DHX34: variants seen among roughly 807,000 people sequenced by gnomAD.
The protein encoded by DHX34 is probable ATP-dependent RNA helicase DHX34.
Under a neutral mutation model 111.1 loss-of-function variants are expected in DHX34, and 96 were observed. That is an observed-to-expected ratio of 0.86 (90% CI 0.73 to 1.02). The LOEUF (loss-of-function observed/expected upper bound fraction) is 1.02. Among genes scored for constraint, DHX34 ranks in the 50% least tolerant of loss-of-function variants. The pLI is 0.00. For synonymous variants in DHX34, 688 were observed against 670.4 expected, an observed-to-expected ratio of 1.03 and a Z score of -0.41; for missense variants, 1,560 against 1,579.9, an observed-to-expected ratio of 0.99 and a Z score of 0.21.
In DHX34 at chr19:47,375,998, C is replaced by T. The variant is rs1432301399; in HGVS notation, c.2382C>T (p.Arg794=). 10 of 1,605,500 alleles carry T rather than the reference C, an allele frequency of 6.2e-6. No homozygotes were observed. The highest frequency in any genetic ancestry group is 2.2e-5 in the East Asian group (1 of 44,736). Residue 794 remains arginine, a synonymous_variant, in exon 11 of 17, where the codon CGC becomes CGT. Coordinates refer to ENST00000328771, the MANE Select transcript of DHX34 (RefSeq NM_014681.6). ...CCAGCTCAGCCCAGGACCTGAGCCG[C>T]GAGCAGCTGGCTCTGCTGAAGCTGG... The part of the protein sequence containing the change: ...AAASSAQDLS[R]EQLALLKLVL...
Position 47,382,060 on chromosome 19 carries a change from G to A in DHX34, c.3379G>A (p.Asp1127Asn), listed in dbSNP as rs1366998345. ...CTACCACTGCGAGGCCTGCGGGAAGGACTTCCTCTTTACACCCACAGAGGT... is the reference window on the plus strand; with the variant it reads ...CTACCACTGCGAGGCCTGCGGGAAGAACTTCCTCTTTACACCCACAGAGGT... ...RPYHCEACGK[D>N]FLFTPTEVLR... Residue 1127 changes from aspartate to asparagine, a missense_variant, in exon 17 of 17, where the codon GAC (aspartate) becomes AAC (asparagine). Coordinates refer to ENST00000328771, the MANE Select transcript of DHX34 (RefSeq NM_014681.6). 1.2e-6 allele frequency: 2 copies of A among 1,614,150 alleles called. No homozygotes were observed. The highest frequency in any genetic ancestry group is 2.7e-5 in the African/African-American group (2 of 75,048).
chr19:47,356,381 C>T (rs1466446013), intron 3 of DHX34, among the ~76,000 whole-genome samples: 1 of 152,108 alleles, frequency 6.6e-6, no homozygotes, highest in Non-Finnish European at 1.5e-5. Context: ...CCTGTAATCC[C>T]AGCACTTTGG....
chr19:47,379,874 G>A lies in DHX34; in HGVS notation c.2871G>A (p.Gln957=). ...GCTGGGAAAGTGCCCTGGACCGGCA[G>A]CTGGCGCACCAGGCCCAGCAGCAGC... ...RARWESALDR[Q]LAHQAQQQLE... is the part of the protein sequence containing the mutation. Residue 957 remains glutamine, a synonymous_variant, in exon 14 of 17, where the codon CAG becomes CAA. Transcript: ENST00000328771. 1 of 1,613,642 alleles carries A rather than the reference G, an allele frequency of 6.2e-7. No homozygotes were observed. The highest frequency in any genetic ancestry group is 8.5e-7 in the Non-Finnish European group (1 of 1,179,766).
intron 13 of DHX34, among the ~76,000 whole-genome samples, chr19:47,377,882 A>G (rs939167953): frequency 1.3e-5 from 2 of 152,008 alleles, no homozygotes; most frequent in Admixed American, 6.5e-5. Flanking sequence ...GGGCACCGGC[A>G]GCAGAGCCAT....
In DHX34 at chr19:47,377,479, C is replaced by T. The variant is rs543057317; in HGVS notation, c.2706+273C>T. Among the ~76,000 whole-genome samples the T allele has an allele frequency of 5.3e-5, 8 of 152,308 alleles. No homozygotes were observed. In the East Asian group the frequency reaches 1.4e-3, roughly 26 times the overall value. ...GCATGAAGCCCAGCCCCTGCCCTCT[C>T]GGGCTCTAGTGGCAGGGGACAGTGA... On this transcript the variant is annotated intron_variant, in intron 13 of 16. Coordinates refer to ENST00000328771, the MANE Select transcript of DHX34 (RefSeq NM_014681.6).
Position 47,375,594 on chromosome 19 carries a change from C to T in DHX34, c.2193C>T (p.Gly731=), listed in dbSNP as rs756090986. ...LHQLKRQHEE[G]AGRRRKVLRL... is the part of the protein sequence containing the mutation. ...AGCTGAAACGCCAGCACGAGGAGGG[C>T]GCGGGGCGCAGGCGCAAGGTGCTGC... is the stretch of plus-strand genomic sequence containing the variant. Residue 731 remains glycine (G), a synonymous_variant, in exon 10 of 17, where the codon GGC becomes GGT. Coordinates refer to ENST00000328771, the MANE Select transcript of DHX34 (RefSeq NM_014681.6). 52 of 1,546,530 alleles carry T rather than the reference C, an allele frequency of 3.4e-5. No homozygotes were observed. Among genetic ancestry groups the T allele is most frequent in the Non-Finnish European group, 4.1e-5 (47 of 1,149,500 alleles).
Position 47,362,552 on chromosome 19 carries a change from C to A in DHX34, c.1452C>A (p.Ser484Arg). ...AGGAGTTCTGGATTAGTCAGGCCAG[C>A]GCAGAGCAGCGGAAGGGCCGGGCGG... ...RLQEFWISQA[S>R]AEQRKGRAGR... is the part of the protein sequence containing the mutation. The change falls in exon 6 of 17, where the codon AGC (serine) becomes AGA (arginine). Residue 484 changes from serine to arginine, a missense_variant. Physicochemically the swap from Ser to Arg is moderately radical, Grantham distance 110. Coordinates refer to ENST00000328771, the MANE Select transcript of DHX34 (RefSeq NM_014681.6). 6.2e-7 allele frequency: 1 copy of A among 1,612,852 alleles called. No individual in the cohort carries two copies.
chr19:47,366,825 T>C lies in DHX34; in HGVS notation c.1594-156T>C, dbSNP rs940105370. The C allele has an allele frequency of 4.1e-6, 4 of 983,712 alleles. No individual in the cohort carries two copies. The African/African-American group carries it at 7.0e-5, about 17-fold the overall frequency. 60.9% of individuals were successfully genotyped at this position (983,712 alleles called of 1,614,324 possible). A position where few individuals can be genotyped will look rare whatever the true frequency, so the allele number is the denominator to read the frequency against. Reference sequence around the variant, plus strand: ...CTGACCTCAAGTGATCCGCTTGCCTTGGCCTTTCAAAGTGCTGGGATTACA... The same window carrying C: ...CTGACCTCAAGTGATCCGCTTGCCTCGGCCTTTCAAAGTGCTGGGATTACA... On this transcript the variant is annotated intron_variant, in intron 6 of 16. Transcript: ENST00000328771.
intron 2 of DHX34, 33 bp from the exon 3 acceptor site, chr19:47,355,006 T>C (rs1599752843): frequency 6.2e-7 from 1 of 1,606,046 alleles, no homozygotes; most frequent in African/African-American, 1.3e-5. Context: ...AGGCTCAGGG[T>C]CCTCTCCTGA....
At chr19:47,357,204 C>T (rs1568395365) in intron 3 of DHX34, among the ~76,000 whole-genome samples, 1 of 152,100 alleles carries the variant, frequency 6.6e-6, no homozygotes, top group Non-Finnish European at 1.5e-5. Flanking sequence ...GGTTTTTAAT[C>T]CTGGTTTCAT....
At position 47,362,678 on chromosome 19, in the gene DHX34, C is replaced by G. The variant is rs1434053756; in HGVS notation, c.1578C>G (p.Asp526Glu). ...PVPEIRRVAL[D>E]SLVLQMKSMS... ...CAGAAATTCGGAGGGTGGCCCTGGA[C>G]TCGTTGGTGCTGCAGGTGAGGCATG... Residue 526 changes from aspartate to glutamate, a missense_variant, in exon 6 of 17, where the codon GAC becomes GAG. Coordinates refer to ENST00000328771, the MANE Select transcript of DHX34 (RefSeq NM_014681.6). The G allele has an allele frequency of 8.1e-6, 13 of 1,612,194 alleles. No homozygotes were observed. Among genetic ancestry groups the G allele is most frequent in the Non-Finnish European group, 9.3e-6 (11 of 1,179,636 alleles).
chr19:47,378,851 C>T (rs1219448251), intron 13 of DHX34, among the ~76,000 whole-genome samples: 3 of 151,338 alleles, frequency 2.0e-5, no homozygotes, highest in East Asian at 2.0e-4. Flanking sequence ...AATAATAAGC[C>T]GGGCATGGTG....
chr19:47,378,880 G>A (rs377342810), intron 13 of DHX34, among the ~76,000 whole-genome samples: 34 of 151,692 alleles, frequency 2.2e-4, no homozygotes, highest in African/African-American at 7.8e-4. Flanking sequence ...CTATAATCCC[G>A]GCACTTTGGG....
In DHX34 at chr19:47,379,143, TTAATAA is replaced by T. The variant is rs111684128; in HGVS notation, c.2707-554_2707-549del. On this transcript the variant is annotated intron_variant, in intron 13 of 16. Transcript: ENST00000328771. Reference sequence around the variant, plus strand: ...GACTCATCTCAAATAAATAAATAAATTAATAATAATAATAATAAGAAGAAGAAGATG... The same window carrying T: ...GACTCATCTCAAATAAATAAATAAATTAATAATAATAAGAAGAAGAAGATG... Among the ~76,000 whole-genome samples the T allele has an allele frequency of 5.0e-3, 751 of 150,892 alleles. 5 individuals carry two copies. Among genetic ancestry groups the T allele is most frequent in the South Asian group, 0.012 (57 of 4,764 alleles).
At chr19:47,374,473 C>T (rs999393457) in intron 9 of DHX34, among the ~76,000 whole-genome samples, 2 of 151,412 alleles carry the variant, frequency 1.3e-5, no homozygotes, top group East Asian at 1.9e-4. Flanking sequence ...GTTTCTCCTG[C>T]GCCCACACAG....
chr19:47,376,119 C>A (rs755830796), intron 11 of DHX34, 22 bp downstream of exon 11: 1 of 1,531,584 alleles, frequency 6.5e-7, no homozygotes, highest in East Asian at 2.3e-5. Flanking sequence ...TCTGCCCCAT[C>A]CTATGTTTTG....
chr19:47,352,244 C>G (rs1425041235), intron 1 of DHX34, among the ~76,000 whole-genome samples: 1 of 152,216 alleles, frequency 6.6e-6, no homozygotes, highest in Non-Finnish European at 1.5e-5. Context: ...CAGTCCCCAT[C>G]ACTGGATTGT....
At chr19:47,371,239 C>T (rs1969956462) in intron 7 of DHX34, among the ~76,000 whole-genome samples, 1 of 152,180 alleles carries the variant, frequency 6.6e-6, no homozygotes, top group Non-Finnish European at 1.5e-5. Context: ...CACATTATCT[C>T]CCTGAGGGCT....
chr19:47,374,119 C>G (rs1326453897), intron 9 of DHX34, among the ~76,000 whole-genome samples: 4 of 152,124 alleles, frequency 2.6e-5, no homozygotes, highest in African/African-American at 7.2e-5. Context: ...GCCTCAGCTT[C>G]CCCTCGATAA....
Sources: allele counts gnomAD v4.1 joint callset (sites outside exome capture counted in the v4.1 genomes callset), GRCh38; gene constraint gnomAD v4.1.1; transcripts MANE v1.5; gene names NCBI Gene and HGNC (gene_info 2026-07-23, HGNC 2026-07-21).